Variants in ZNF90 observed in about 807,000 individuals in gnomAD.
ZNF90 encodes the protein zinc finger protein 90.
ZNF90 carries 11 observed loss-of-function variants against 12.0 expected under a neutral mutation model. That is an observed-to-expected ratio of 0.92 (90% CI 0.58 to 1.52). The LOEUF (loss-of-function observed/expected upper bound fraction) is 1.52, where lower values mean the gene tolerates loss of function less well. Among genes scored for constraint, ZNF90 ranks in the 40% most tolerant of loss-of-function variants. The probability of loss-of-function intolerance (pLI) is 0.00; values close to 1 mark genes in which losing one functional copy is unlikely to be tolerated. For missense variants in ZNF90, 765 were observed against 711.5 expected (o/e 1.08, Z -0.86); for synonymous variants, 232 against 240.1 (o/e 0.97, Z 0.31).
intron 1 of ZNF90, among the ~76,000 whole-genome samples, chr19:20,084,320 G>C (rs2088843123): frequency 6.6e-6 from 1 of 151,964 alleles, no homozygotes; most frequent in South Asian, 2.1e-4. Flanking sequence ...GCCTCCCAAA[G>C]TGCTGGGATT....
In ZNF90 at chr19:20,119,132, A is replaced by G. The variant is rs1568295148; in HGVS notation, c.1578A>G (p.Lys526=). ...TCAAGCGCTCCTCAGTCCTTAGTAA[A>G]CATAAGATAATTCATACTGGAGCGA... ...KAFKRSSVLS[K]HKIIHTGAKP... The change falls in exon 4 of 4, where the codon AAA becomes AAG. Residue 526 remains lysine, a synonymous_variant. Transcript: ENST00000418063. The G allele has an allele frequency of 1.2e-6, 2 of 1,612,728 alleles. No homozygotes were observed. Among genetic ancestry groups the G allele is most frequent in the African/African-American group, 2.7e-5 (2 of 74,526 alleles).
intron 1 of ZNF90, among the ~76,000 whole-genome samples, chr19:20,093,134 G>A (rs1555702909): frequency 6.6e-6 from 1 of 152,234 alleles, no homozygotes; most frequent in Non-Finnish European, 1.5e-5. Context: ...AGTTGTGGAG[G>A]AAGGTATTGA....
At position 20,094,224 on chromosome 19, in the gene ZNF90, G is replaced by A. The variant is rs183583968; in HGVS notation, c.4-10015G>A. Among the ~76,000 whole-genome samples, 28 of 152,352 alleles carry A rather than the reference G, an allele frequency of 1.8e-4. No homozygotes were observed. In the East Asian group the frequency reaches 3.1e-3, roughly 17 times the overall value. On this transcript the variant is annotated intron_variant, in intron 1 of 3. Transcript: ENST00000418063. ...AACTGTAACTCAGAAATGCATTGCC[G>A]TCTGGCTGCTTCCTCCCTATTATTG...
At chr19:20,113,773 A>G (rs1305478322) in intron 3 of ZNF90, among the ~76,000 whole-genome samples, 1 of 152,000 alleles carries the variant, frequency 6.6e-6, no homozygotes, top group Non-Finnish European at 1.5e-5. Flanking sequence ...GCTTGCAGTG[A>G]GCGGAGATCG....
chr19:20,096,584 A>G (rs1414140483), intron 1 of ZNF90, among the ~76,000 whole-genome samples: 1 of 151,880 alleles, frequency 6.6e-6, no homozygotes, highest in Non-Finnish European at 1.5e-5. Flanking sequence ...TGAGCCAGGA[A>G]AAGGACTTTC....
chr19:20,117,714 T>A (rs1568293942), intron 3 of ZNF90, 67 bp from the exon 4 acceptor site: 2 of 1,425,174 alleles, frequency 1.4e-6, no homozygotes, highest in Non-Finnish European at 1.8e-6. Context: ...TAATTTTGTT[T>A]GTAAATGTAA....
chr19:20,085,268 C>CTTTTTTTTTTCTTTTTTTTTTTT (rs56068843), intron 1 of ZNF90, among the ~76,000 whole-genome samples: 4 of 135,572 alleles, frequency 3.0e-5, no homozygotes, highest in Non-Finnish European at 3.1e-5. Flanking sequence ...TTGCATTGGT[C>CTTTTTTTTTTCTTTTTTTTTTTT]TTTTTTTTTT....
At position 20,105,286 on chromosome 19, in the gene ZNF90, A is replaced by G; in HGVS notation, c.196A>G (p.Lys66Glu). 1 of 1,607,836 alleles carries G rather than the reference A, an allele frequency of 6.2e-7. No individual in the cohort carries two copies. Among genetic ancestry groups the G allele is most frequent in the Non-Finnish European group, 8.5e-7 (1 of 1,176,468 alleles). Reference sequence around the variant, plus strand: ...GCAAGGAAAAAAACCCTTCACTGTGAAGAGACATGAGATGATTGCCAAATC... The same window carrying G: ...GCAAGGAAAAAAACCCTTCACTGTGGAGAGACATGAGATGATTGCCAAATC... ...LEQGKKPFTV[K>E]RHEMIAKSPV... Residue 66 changes from lysine to glutamate, a missense_variant, in exon 3 of 4, where the codon AAG becomes GAG. Physicochemically the swap from Lys to Glu is moderately conservative, Grantham distance 56. Coordinates refer to ENST00000418063, the MANE Select transcript of ZNF90 (RefSeq NM_007138.2).
rs2089171532 is a variant in ZNF90 at position 20,118,998 on chromosome 19, A to G, written c.1444A>G (p.Lys482Glu). Residue 482 changes from lysine (K) to glutamate (E), a missense_variant, in exon 4 of 4, where the codon AAA becomes GAA. Coordinates refer to ENST00000418063, the MANE Select transcript of ZNF90 (RefSeq NM_007138.2). ...KISHTEEKLY[K>E]CQECDKAFKY... is the part of the protein sequence containing the mutation. ...AAGTCATACTGAAGAGAAACTCTAC[A>G]AATGTCAAGAATGTGACAAAGCCTT... The G allele has an allele frequency of 1.2e-6, 2 of 1,607,854 alleles. No individual in the cohort carries two copies. Among genetic ancestry groups the G allele is most frequent in the Non-Finnish European group, 8.5e-7 (1 of 1,176,664 alleles).
chr19:20,110,332 G>T (rs948497658), intron 3 of ZNF90, among the ~76,000 whole-genome samples: 3 of 152,060 alleles, frequency 2.0e-5, no homozygotes, highest in Non-Finnish European at 4.4e-5. Flanking sequence ...AGGCTGGAGT[G>T]CAGTGGTGTG....
intron 1 of ZNF90, among the ~76,000 whole-genome samples, chr19:20,090,811 G>A (rs1401025163): frequency 6.6e-6 from 1 of 152,216 alleles, no homozygotes; most frequent in African/African-American, 2.4e-5. Context: ...CTCGAGGACA[G>A]GCTCTGATTC....
At chr19:20,103,846 A>G (rs1261873349) in intron 1 of ZNF90, among the ~76,000 whole-genome samples, 1 of 152,124 alleles carries the variant, frequency 6.6e-6, no homozygotes, top group African/African-American at 2.4e-5. Flanking sequence ...CTGCATAACA[A>G]GGTCTTCAGC....
At chr19:20,080,895 C>T (rs1308768022) in intron 1 of ZNF90, among the ~76,000 whole-genome samples, 1 of 152,084 alleles carries the variant, frequency 6.6e-6, no homozygotes, top group Non-Finnish European at 1.5e-5. Flanking sequence ...AGATTTGGTG[C>T]CAGCAAAAGA....
At chr19:20,081,869 A>G (rs1383254453) in intron 1 of ZNF90, among the ~76,000 whole-genome samples, 1 of 150,324 alleles carries the variant, frequency 6.7e-6, no homozygotes, top group Non-Finnish European at 1.5e-5. Flanking sequence ...GGTTCACACT[A>G]TTCTCCTGCC....
At chr19:20,094,431 G>A (rs570550141) in intron 1 of ZNF90, among the ~76,000 whole-genome samples, 18 of 152,302 alleles carry the variant, frequency 1.2e-4, no homozygotes, top group African/African-American at 3.1e-4. Flanking sequence ...GCTGCTAAGC[G>A]GGCCACGACC....
At chr19:20,098,646 A>G (rs1219457838) in intron 1 of ZNF90, among the ~76,000 whole-genome samples, 1 of 152,270 alleles carries the variant, frequency 6.6e-6, no homozygotes, top group Non-Finnish European at 1.5e-5. Context: ...ATTCAGAATC[A>G]GCCTCAGTTC....
chr19:20,110,291 T>G (rs1441045913), intron 3 of ZNF90, among the ~76,000 whole-genome samples: 2 of 152,154 alleles, frequency 1.3e-5, no homozygotes, highest in Non-Finnish European at 2.9e-5. Flanking sequence ...TTGTTTTATT[T>G]TTTTTGAGAT....
intron 3 of ZNF90, among the ~76,000 whole-genome samples, chr19:20,115,428 T>G (rs1315932523): frequency 5.9e-5 from 9 of 151,348 alleles, no homozygotes; most frequent in Admixed American, 4.6e-4. Flanking sequence ...TTTTTTTTTT[T>G]TGTATTAATA....
chr19:20,094,456 A>G (rs782318958), intron 1 of ZNF90, among the ~76,000 whole-genome samples: 1 of 152,212 alleles, frequency 6.6e-6, no homozygotes, highest in South Asian at 2.1e-4. Context: ...CTGGGTTTTC[A>G]TCTTCACCTT....
Sources: gnomAD v4.1 joint callset for allele counts (sites outside exome capture counted in the v4.1 genomes callset) on GRCh38, gnomAD v4.1.1 for gene constraint, MANE v1.5 for transcripts, NCBI Gene and HGNC (gene_info 2026-07-23, HGNC 2026-07-21) for gene names.